FGD2: variants seen among roughly 807,000 people sequenced by gnomAD.
FGD2 encodes the protein FYVE, RhoGEF and PH domain containing 2, also known as FYVE, RhoGEF and PH domain-containing protein 2.
FGD2 carries 52 observed loss-of-function variants against 75.9 expected under a neutral mutation model. That is an observed-to-expected ratio of 0.69 (90% CI 0.55 to 0.86). The LOEUF (loss-of-function observed/expected upper bound fraction) is 0.86. Among genes scored for constraint, FGD2 ranks in the 40% least tolerant of loss-of-function variants. The pLI is 0.00. For missense variants in FGD2, 790 were observed against 872.0 expected, an observed-to-expected ratio of 0.91 and a Z score of 1.18; for synonymous variants, 347 against 348.6, an observed-to-expected ratio of 1.00 and a Z score of 0.05.
rs1233747028 is a variant in FGD2 at position 37,028,175 on chromosome 6, C to A, written c.*12C>A. The A allele has an allele frequency of 6.5e-6, 10 of 1,540,460 alleles. No individual in the cohort carries two copies. Among genetic ancestry groups the A allele is most frequent in the Admixed American group, 3.9e-5 (2 of 50,900 alleles). ...ACCTGTCCGACTGAGCCACTGCCAG[C>A]CGCTCTCCTGCCCACCTCTCCCCAC... On this transcript the variant is annotated 3_prime_UTR_variant, in exon 16 of 16. Transcript: ENST00000274963.
chr6:37,010,725 C>A (rs1295994158), intron 2 of FGD2, among the ~76,000 whole-genome samples: 1 of 152,204 alleles, frequency 6.6e-6, no homozygotes, highest in African/African-American at 2.4e-5. Context: ...TGATTCACAG[C>A]TCCCAAGACA....
At chr6:37,012,611 C>T (rs1018175276) in intron 4 of FGD2, among the ~76,000 whole-genome samples, 8 of 150,284 alleles carry the variant, frequency 5.3e-5, no homozygotes, top group Admixed American at 4.0e-4. Context: ...ACTCAGGAGG[C>T]TGAGGTTGGA....
At chr6:37,011,080 C>CCCCAGCCCCCT in intron 3 of FGD2, 30 bp downstream of exon 3, 1 of 1,606,444 alleles carries the variant, frequency 6.2e-7, no homozygotes, top group African/African-American at 1.3e-5. Context: ...CCCTCTAGAG[C>CCCCAGCCCCCT]CCCAGCCCTG....
chr6:37,008,744 C>A, intron 1 of FGD2, 90 bp from the exon 2 acceptor site: 1 of 1,328,580 alleles, frequency 7.5e-7, no homozygotes, highest in Non-Finnish European at 1.0e-6. Flanking sequence ...TGGGGATTTG[C>A]ACCAGGCAAC....
chr6:37,020,703 G>A lies in FGD2; in HGVS notation c.1203-6G>A, dbSNP rs777519694. 9 of 1,575,004 alleles carry A rather than the reference G, an allele frequency of 5.7e-6. No individual in the cohort carries two copies. Among genetic ancestry groups the A allele is most frequent in the African/African-American group, 1.3e-5 (1 of 74,124 alleles). ...TCCTCAACACCTGTGTTCACTTTCC[G>A]AGCAGGTCCCAGGAGGAAATGATTT... On this transcript the variant is annotated splice_polypyrimidine_tract_variant and splice_region_variant and intron_variant, in intron 10 of 15. Transcript: ENST00000274963.
chr6:37,027,381 G>A (rs769746035), intron 14 of FGD2, 48 bp from the exon 15 acceptor site: 3 of 1,564,022 alleles, frequency 1.9e-6, no homozygotes, highest in South Asian at 2.4e-5. Context: ...CCAACATCTG[G>A]CACTTGCGGC....
chr6:37,012,784 T>A (rs561695759), intron 4 of FGD2, among the ~76,000 whole-genome samples: 1 of 151,136 alleles, frequency 6.6e-6, no homozygotes, highest in African/African-American at 2.4e-5. Flanking sequence ...ATCATTCCAA[T>A]TTTTTTCAAT....
At chr6:37,021,361 C>G (rs144717337) in intron 11 of FGD2, 151 bp from the exon 12 acceptor site, 105 of 649,232 alleles carry the variant, frequency 1.6e-4, no homozygotes, top group Non-Finnish European at 2.4e-4. Context: ...AGTTTCTCCT[C>G]CGATAAGGCA....
chr6:37,011,983 G>T, intron 4 of FGD2, 129 bp downstream of exon 4: 1 of 1,036,906 alleles, frequency 9.6e-7, no homozygotes, highest in Non-Finnish European at 1.4e-6. Flanking sequence ...CCTCCCTGGG[G>T]CTCGGTCTGT....
At position 37,028,492 on chromosome 6, in the gene FGD2, G is replaced by A. The variant is rs1765938585; in HGVS notation, c.*329G>A. ...ATGGTTTTTCATTTGTATCTCCTGGGGAGCTTTTAAAGAGTACTGGTGAAA... is the reference window on the plus strand; with the variant it reads ...ATGGTTTTTCATTTGTATCTCCTGGAGAGCTTTTAAAGAGTACTGGTGAAA... On this transcript the variant is annotated 3_prime_UTR_variant, in exon 16 of 16. Transcript: ENST00000274963. The A allele has an allele frequency of 3.2e-6, 1 of 315,790 alleles. No homozygotes were observed. The highest frequency in any genetic ancestry group is 2.1e-5 in the African/African-American group (1 of 47,230). 19.6% of individuals were successfully genotyped at this position (315,790 alleles called of 1,614,324 possible).
At chr6:37,014,297 C>A in intron 6 of FGD2, 197 bp downstream of exon 6, 1 of 692,628 alleles carries the variant, frequency 1.4e-6, no homozygotes, top group East Asian at 2.7e-5. Context: ...TAGTGACTTG[C>A]TCAAGGTCAC....
At position 37,027,942 on chromosome 6, in the gene FGD2, C is replaced by T; in HGVS notation, c.1753-6C>T. The T allele has an allele frequency of 1.2e-6, 2 of 1,613,676 alleles. No homozygotes were observed. The highest frequency in any genetic ancestry group is 1.1e-5 in the South Asian group (1 of 91,066). On this transcript the variant is annotated splice_region_variant and splice_polypyrimidine_tract_variant and intron_variant, in intron 15 of 15. Transcript: ENST00000274963. The stretch of plus-strand genomic sequence containing the variant: ...ACAGTGGCCCACTGCTCTCTCCTCC[C>T]CCCAGGACATGAGGGCTCACACCTC...
rs147220897 is a variant in FGD2, at chr6:37,008,961, A to C, written c.196A>C (p.Arg66=). The C allele has an allele frequency of 1.7e-5, 27 of 1,614,142 alleles. No homozygotes were observed. Among genetic ancestry groups the C allele is most frequent in the African/African-American group, 2.7e-5 (2 of 74,956 alleles). The change falls in exon 2 of 16, where the codon AGG becomes CGG. Residue 66 remains arginine (R), a synonymous_variant. Transcript: ENST00000274963. Reference sequence around the variant, plus strand: ...CGGGGAGGCCGTGGGGTCTGAGCCCAGGACAGTCAGCAGGAGGTACCTGAA... The same window carrying C: ...CGGGGAGGCCGTGGGGTCTGAGCCCCGGACAGTCAGCAGGAGGTACCTGAA... ...NVGEAVGSEP[R]TVSRRYLNSL... is the part of the protein sequence containing the mutation.
At chr6:37,022,188 G>A (rs771361762) in intron 12 of FGD2, 51 bp from the exon 13 acceptor site, 19 of 1,568,362 alleles carry the variant, frequency 1.2e-5, no homozygotes, top group South Asian at 5.8e-5. Flanking sequence ...GAGGATGGGC[G>A]GAAGAAGGTC....
chr6:37,016,360 T>C (rs1157070050), intron 9 of FGD2, among the ~76,000 whole-genome samples: 1 of 152,134 alleles, frequency 6.6e-6, no homozygotes, highest in East Asian at 1.9e-4. Flanking sequence ...GAACACGTTT[T>C]GAGTAGGAAA....
intron 4 of FGD2, chr6:37,012,069 G>A (rs1042748708): frequency 1.9e-6 from 1 of 536,802 alleles, no homozygotes; most frequent in Non-Finnish European, 3.2e-6. Flanking sequence ...GGAAAGGGGT[G>A]GATCAGGTCC....
Position 37,013,592 on chromosome 6 carries a change from C to T in FGD2, c.528-17C>T. ...GAGGTCTCTAGGCTGAGGGCAATCCCTGTGCCCCTCCTGCAGGACAGCTAA... is the reference window on the plus strand; with the variant it reads ...GAGGTCTCTAGGCTGAGGGCAATCCTTGTGCCCCTCCTGCAGGACAGCTAA... On this transcript the variant is annotated splice_polypyrimidine_tract_variant and intron_variant, in intron 4 of 15. Coordinates refer to ENST00000274963, the MANE Select transcript of FGD2 (RefSeq NM_173558.4). The T allele has an allele frequency of 6.2e-7, 1 of 1,610,888 alleles. No homozygotes were observed. The highest frequency in any genetic ancestry group is 8.5e-7 in the Non-Finnish European group (1 of 1,178,038).
At chr6:37,007,054 G>A (rs922620212) in intron 1 of FGD2, among the ~76,000 whole-genome samples, 1 of 152,200 alleles carries the variant, frequency 6.6e-6, no homozygotes, top group African/African-American at 2.4e-5. Flanking sequence ...ACCAGTAGCT[G>A]GTGGGGATGG....
intron 13 of FGD2, chr6:37,023,925 T>C (rs1765702476): frequency 6.6e-6 from 1 of 152,146 alleles, no homozygotes; most frequent in Non-Finnish European, 1.5e-5. Context: ...AGATAGAAAA[T>C]ATTCTGACAA....
Sources: allele counts gnomAD v4.1 joint callset (sites outside exome capture counted in the v4.1 genomes callset), GRCh38; gene constraint gnomAD v4.1.1; transcripts MANE v1.5; gene names NCBI Gene and HGNC (gene_info 2026-07-23, HGNC 2026-07-21).